The following RNF144A variants were observed in gnomAD, a reference collection of about 807,000 sequenced individuals.
RNF144A encodes E3 ubiquitin-protein ligase RNF144A.
A neutral mutation model predicts 38.7 loss-of-function variants in RNF144A; 11 were observed. The observed-to-expected ratio is 0.28, with a 90% CI of 0.18 to 0.47. RNF144A has a LOEUF of 0.47. RNF144A is among the 20% of genes least tolerant of loss of function. The pLI is 0.99. For synonymous variants in RNF144A, 149 were observed against 143.9 expected (o/e 1.04, Z -0.25); for missense variants, 316 against 377.2 (o/e 0.84, Z 1.34).
intron 2 of RNF144A, among the ~76,000 whole-genome samples, chr2:6,953,116 G>A (rs1011829940): frequency 6.6e-6 from 1 of 151,944 alleles, no homozygotes; most frequent in African/African-American, 2.4e-5. Context: ...TAAAATATAA[G>A]CATTTAAGAT....
At chr2:7,032,677 C>T (rs1275514414) in intron 8 of RNF144A, among the ~76,000 whole-genome samples, 1 of 152,214 alleles carries the variant, frequency 6.6e-6, no homozygotes, top group Non-Finnish European at 1.5e-5. Context: ...TGTCCAAATC[C>T]CCCCTTTCTA....
At position 6,943,766 on chromosome 2, in the gene RNF144A, G is replaced by A. The variant is rs1666165611; in HGVS notation, c.-12+2619G>A. Among the ~76,000 whole-genome samples, 1 of 152,108 alleles carries A rather than the reference G, an allele frequency of 6.6e-6. No individual in the cohort carries two copies. ...GCTCTGCAGTTCTCTTCTGATTACC[G>A]ACCTTTCTTTGTGAAATGGGAGTCA... On this transcript the variant is annotated intron_variant, in intron 2 of 8. Transcript: ENST00000320892. The surrounding 1 kb of genome is among the most constrained non-coding windows in gnomAD (Gnocchi z 4.3).
chr2:6,919,515 TG>T (rs1664394956), intron 1 of RNF144A, among the ~76,000 whole-genome samples: 1 of 152,158 alleles, frequency 6.6e-6, no homozygotes, highest in African/African-American at 2.4e-5. Flanking sequence ...TCTGTGTCAG[TG>T]GGAGCCATTG....
chr2:7,020,571 C>G lies in RNF144A; in HGVS notation c.400C>G (p.Gln134Glu), dbSNP rs756035921. 1.2e-6 allele frequency: 2 copies of G among 1,612,982 alleles called. No homozygotes were observed. Among genetic ancestry groups the G allele is most frequent in the Non-Finnish European group, 1.7e-6 (2 of 1,180,030 alleles). Residue 134 changes from glutamine (Q) to glutamate (E), a missense_variant, in exon 6 of 9, where the codon CAG (glutamine) becomes GAG (glutamate). By Grantham distance (29) the Gln-to-Glu change is conservative. Coordinates refer to ENST00000320892, the MANE Select transcript of RNF144A (RefSeq NM_014746.6). ...DVGLQTPQPV[Q>E]CKACRMEFCS... ...GGGGCTGCAGACCCCCCAGCCAGTGCAGTGCAAAGCCTGCCGTATGGAATT... is the reference window on the plus strand; with the variant it reads ...GGGGCTGCAGACCCCCCAGCCAGTGGAGTGCAAAGCCTGCCGTATGGAATT...
At chr2:7,068,120 A>T (rs1360348102) in intron 6 of RNF144A, 2 of 593,212 alleles carry the variant, frequency 3.4e-6, no homozygotes, top group African/African-American at 1.9e-5. Context: ...ATCCCTTTGC[A>T]GTGGTCCCTC....
chr2:6,966,335 C>T lies in RNF144A; in HGVS notation c.-12+25188C>T, dbSNP rs966890418. On this transcript the variant is annotated intron_variant, in intron 2 of 8. Transcript: ENST00000320892. ...CTAGGATGCAGAAACAGTAGCAACA[C>T]GAAGACTAAAGAAACACTGGAATAT... Among the ~76,000 whole-genome samples, 11 of 152,192 alleles carry T rather than the reference C, an allele frequency of 7.2e-5. 1 individual carries two copies. The highest frequency in any genetic ancestry group is 1.0e-4 in the Non-Finnish European group (7 of 67,992).
At chr2:7,033,925 G>A (rs1272869724) in intron 8 of RNF144A, among the ~76,000 whole-genome samples, 1 of 152,168 alleles carries the variant, frequency 6.6e-6, no homozygotes, top group African/African-American at 2.4e-5. Context: ...CTCTCCACAG[G>A]GCTAATGGTC....
chr2:7,072,336 G>T (rs924894542), downstream of RNF144A, among the ~76,000 whole-genome samples: 1 of 152,240 alleles, frequency 6.6e-6, no homozygotes, highest in Non-Finnish European at 1.5e-5. Context: ...GTAAACAATG[G>T]ACTCAGATGT....
At chr2:6,947,094 A>G (rs1666385783) in intron 2 of RNF144A, among the ~76,000 whole-genome samples, 1 of 152,198 alleles carries the variant, frequency 6.6e-6, no homozygotes, top group South Asian at 2.1e-4. Context: ...TGAAGTTATT[A>G]TAGCTATAAA....
rs2103301871 is a variant in RNF144A, at chr2:6,943,527, T to TTG, written c.-12+2381_-12+2382insGT. Among the ~76,000 whole-genome samples the TTG allele has an allele frequency of 6.6e-6, 1 of 152,336 alleles. No homozygotes were observed. Among genetic ancestry groups the TTG allele is most frequent in the African/African-American group, 2.4e-5 (1 of 41,580 alleles). ...GAGAATTATTTTTCAGTTGGAAGCA[T>TTG]TATCAGCATGTTTAGATGCTGATGG... On this transcript the variant is annotated intron_variant, in intron 2 of 8. Coordinates refer to ENST00000320892, the MANE Select transcript of RNF144A (RefSeq NM_014746.6). This position sits in a 1 kb window ranked among gnomAD's most constrained non-coding sequence, Gnocchi z 4.3.
chr2:6,975,327 G>A (rs557812732), intron 2 of RNF144A, among the ~76,000 whole-genome samples: 4 of 152,240 alleles, frequency 2.6e-5, no homozygotes, highest in Admixed American at 6.5e-5. Flanking sequence ...TTCCCACCGG[G>A]TCCTTCCCAC....
chr2:6,992,856 G>T (rs576900915), intron 2 of RNF144A, among the ~76,000 whole-genome samples: 6 of 152,214 alleles, frequency 3.9e-5, no homozygotes, highest in African/African-American at 1.2e-4. Flanking sequence ...TCCTTTGCAC[G>T]GTCTCAGTCA....
chr2:6,947,907 G>A (rs527442194), intron 2 of RNF144A, among the ~76,000 whole-genome samples: 2 of 152,342 alleles, frequency 1.3e-5, no homozygotes, highest in South Asian at 4.1e-4. Flanking sequence ...AGGATCAGAT[G>A]TATTGAAGGA....
chr2:7,070,234 A>G (rs1014262012), downstream of RNF144A, among the ~76,000 whole-genome samples: 1 of 152,110 alleles, frequency 6.6e-6, no homozygotes, highest in Non-Finnish European at 1.5e-5. Context: ...CAGTGGTGCT[A>G]TCACAGCTTA....
At chr2:6,950,364 A>G (rs1666602277) in intron 2 of RNF144A, among the ~76,000 whole-genome samples, 1 of 152,164 alleles carries the variant, frequency 6.6e-6, no homozygotes, top group South Asian at 2.1e-4. Context: ...GTTTTGTGTA[A>G]CTGCATTTAT....
In RNF144A at chr2:6,954,219, T is replaced by G. The variant is rs545107688; in HGVS notation, c.-12+13072T>G. On this transcript the variant is annotated intron_variant, in intron 2 of 8. Transcript: ENST00000320892. ...TTTGGATTTTTTTCTTCAAATGCTT[T>G]TATGCCGTTTTCTGTTTTTTAAATG... Among the ~76,000 whole-genome samples the G allele has an allele frequency of 3.3e-5, 5 of 152,306 alleles. No homozygotes were observed. In the South Asian group the frequency reaches 1.0e-3, roughly 32 times the overall value.
intron 2 of RNF144A, among the ~76,000 whole-genome samples, chr2:6,965,917 G>C (rs1667638876): frequency 6.6e-6 from 1 of 151,960 alleles, no homozygotes; most frequent in African/African-American, 2.4e-5. Flanking sequence ...TAAATGTTTA[G>C]TATCATTAAA....
At chr2:6,972,424 CTTA>C (rs1668051741) in intron 2 of RNF144A, among the ~76,000 whole-genome samples, 1 of 152,190 alleles carries the variant, frequency 6.6e-6, no homozygotes, top group South Asian at 2.1e-4. Flanking sequence ...GTGTTTATCA[CTTA>C]TTTTTTCCTT....
downstream of RNF144A, among the ~76,000 whole-genome samples, chr2:7,045,874 C>A (rs1461027089): frequency 6.7e-6 from 1 of 148,616 alleles, no homozygotes; most frequent in Admixed American, 6.7e-5. Flanking sequence ...CACATCAATT[C>A]TTGAAGCGGG....
Sources: gnomAD v4.1 joint callset for allele counts (sites outside exome capture counted in the v4.1 genomes callset) on GRCh38, gnomAD v4.1.1 for gene constraint, Gnocchi (gnomAD v3.1) non-coding constraint, MANE v1.5 for transcripts, NCBI Gene and HGNC (gene_info 2026-07-23, HGNC 2026-07-21) for gene names.